The following GLI3 variants were observed in gnomAD, a reference collection of about 807,000 sequenced individuals.
GLI3 encodes transcription activator GLI3.
GLI3 carries 20 observed loss-of-function variants against 100.8 expected under a neutral mutation model. The ratio of observed to expected loss-of-function variants is 0.20; its 90% confidence interval spans 0.14 to 0.29. The LOEUF is 0.29. Among genes scored for constraint, GLI3 ranks in the 10% least tolerant of loss-of-function variants. GLI3 has a pLI of 1.00. For missense variants in GLI3, 2,040 were observed against 2,128.5 expected (o/e 0.96, Z 0.82); for synonymous variants, 938 against 860.5 (o/e 1.09, Z -1.58).
chr7:42,148,360 G>A lies in GLI3; in HGVS notation c.233C>T (p.Ser78Leu), dbSNP rs777937822. The A allele has an allele frequency of 5.6e-6, 9 of 1,613,976 alleles. No individual in the cohort carries two copies. Among genetic ancestry groups the A allele is most frequent in the African/African-American group, 1.3e-5 (1 of 74,920 alleles). ...GATCAATGAGGCCCTCTCGTCACTC[G>A]ATGTTGAAGGTTCCTCACTGACTTT... The part of the protein sequence containing the change: ...LSKVSEEPST[S>L]SDERASLIKK... The change falls in exon 3 of 15, where the codon TCG becomes TTG. Residue 78 changes from serine (S) to leucine (L), a missense_variant. This residue lies in a region of GLI3 where 603 missense variants were observed against 690.9 expected (regional missense o/e 0.87). Coordinates refer to ENST00000395925, the MANE Select transcript of GLI3 (RefSeq NM_000168.6).
In GLI3 at chr7:42,113,620, G is replaced by C. The variant is rs1032750388; in HGVS notation, c.367+34606C>G. On this transcript the variant is annotated intron_variant, in intron 3 of 14. Coordinates refer to ENST00000395925, the MANE Select transcript of GLI3 (RefSeq NM_000168.6). ...AAGCTGAAGGTGCTGGAGATGCCAA[G>C]TGAAGTGTCTGCATTTTTGATAACT... 23 of 972,962 alleles carry C rather than the reference G, an allele frequency of 2.4e-5. No homozygotes were observed. The African/African-American group carries it at 3.5e-4, about 15-fold the overall frequency. The allele number at this position is 972,962 out of a possible 1,614,324, so 60.3% of individuals were successfully genotyped here. A position where few individuals can be genotyped will look rare whatever the true frequency, so the allele number is the denominator to read the frequency against.
upstream of GLI3, among the ~76,000 whole-genome samples, chr7:42,241,665 G>C (rs1292913953): frequency 6.6e-6 from 1 of 152,134 alleles, no homozygotes; most frequent in Non-Finnish European, 1.5e-5. Flanking sequence ...CTGGAACATT[G>C]GGATTATAAA....
intron 1 of GLI3, among the ~76,000 whole-genome samples, chr7:42,263,228 A>G (rs991923889): frequency 3.3e-5 from 5 of 152,166 alleles, no homozygotes; most frequent in Non-Finnish European, 7.4e-5. Flanking sequence ...CCTGGCTATG[A>G]CAAGAGCTCA....
intron 12 of GLI3, among the ~76,000 whole-genome samples, chr7:41,976,737 G>A (rs1364645765): frequency 1.3e-5 from 2 of 152,188 alleles, no homozygotes; most frequent in African/African-American, 2.4e-5. Context: ...AAAATGTGGG[G>A]AGTCCTTTTG....
chr7:42,061,600 G>C (rs1461726813), intron 4 of GLI3, among the ~76,000 whole-genome samples: 2 of 152,264 alleles, frequency 1.3e-5, no homozygotes, highest in East Asian at 1.9e-4. Context: ...GAAGTGGCAG[G>C]CTCTTTAGAT....
intron 4 of GLI3, among the ~76,000 whole-genome samples, chr7:42,057,760 G>A (rs936758109): frequency 5.3e-5 from 8 of 152,158 alleles, no homozygotes; most frequent in Non-Finnish European, 1.0e-4. Context: ...ATTATTCTAG[G>A]TGAAGTAACT....
chr7:42,147,971 C>A (rs1786757297), intron 3 of GLI3, among the ~76,000 whole-genome samples: 1 of 152,018 alleles, frequency 6.6e-6, no homozygotes, highest in African/African-American at 2.4e-5. Context: ...CACAAATGGA[C>A]CACTCTCCTG....
chr7:42,113,884 G>T (rs1051004821), intron 3 of GLI3, among the ~76,000 whole-genome samples: 3 of 152,124 alleles, frequency 2.0e-5, no homozygotes, highest in Admixed American at 1.3e-4. Flanking sequence ...CAGGAGGAGG[G>T]GGGACTCCCT....
At chr7:42,114,289 A>G (rs1022701574) in intron 3 of GLI3, among the ~76,000 whole-genome samples, 1 of 152,188 alleles carries the variant, frequency 6.6e-6, no homozygotes, top group African/African-American at 2.4e-5. Context: ...ATTGGGTTTT[A>G]TCTTGGCTTT....
chr7:42,104,374 T>C (rs893599464), intron 3 of GLI3, among the ~76,000 whole-genome samples: 6 of 152,178 alleles, frequency 3.9e-5, no homozygotes, highest in African/African-American at 1.4e-4. Flanking sequence ...ACACATCCGC[T>C]CTAGCATTTC....
intron 3 of GLI3, among the ~76,000 whole-genome samples, chr7:42,077,848 G>A (rs1292502495): frequency 1.3e-5 from 2 of 152,186 alleles, no homozygotes; most frequent in African/African-American, 2.4e-5. Context: ...AAATGAAGGG[G>A]TCCAAAACTT....
Position 42,262,197 on chromosome 7 carries a change from T to TTCCTTCC in GLI3, c.-43+1796_-43+1797insGGAAGGA, listed in dbSNP as rs1761173028. 4.7e-3 allele frequency among the ~76,000 whole-genome samples: 158 copies of TTCCTTCC among 33,612 alleles called. 3 individuals are homozygous for TTCCTTCC. Among genetic ancestry groups the TTCCTTCC allele is most frequent in the African/African-American group, 0.012 (147 of 12,460 alleles). The allele number at this position is 33,612 out of a possible 152,430, so 22.1% of individuals were successfully genotyped here. ...TTTCTTTTTTCTTTCTTTTATTTTTTTTCCTTCCTTCTTTCCTTCCTTCCT... is the reference window on the plus strand; with the variant it reads ...TTTCTTTTTTCTTTCTTTTATTTTTTTCCTTCCTTCCTTCCTTCTTTCCTTCCTTCCT... On this transcript the variant is annotated intron_variant, in intron 1 of 2. Coordinates refer to the GLI3 transcript ENST00000678978.
intron 10 of GLI3, among the ~76,000 whole-genome samples, chr7:42,013,230 C>G (rs1436159265): frequency 6.6e-6 from 1 of 152,180 alleles, no homozygotes; most frequent in Non-Finnish European, 1.5e-5. Flanking sequence ...TTTTATTTGT[C>G]TAAGCCCACC....
intron 2 of GLI3, among the ~76,000 whole-genome samples, chr7:42,153,584 AG>A (rs561962570): frequency 8.1e-5 from 5 of 62,038 alleles, no homozygotes; most frequent in East Asian, 4.4e-4. Context: ...CAAAATGTTA[AG>A]GGGGGGTGGG....
chr7:42,169,787 G>C (rs868725378), intron 2 of GLI3, among the ~76,000 whole-genome samples: 1 of 151,926 alleles, frequency 6.6e-6, no homozygotes, highest in Admixed American at 6.6e-5. Context: ...GAAAAGAACA[G>C]GAAGCAAATG....
chr7:42,207,193 G>A (rs928486767), intron 2 of GLI3, among the ~76,000 whole-genome samples: 2 of 152,172 alleles, frequency 1.3e-5, no homozygotes, highest in Admixed American at 1.3e-4. Flanking sequence ...TGTGTATTCA[G>A]ATCCACCAAA....
intron 3 of GLI3, among the ~76,000 whole-genome samples, chr7:42,129,099 A>G (rs1193026949): frequency 1.3e-5 from 2 of 152,234 alleles, no homozygotes; most frequent in Non-Finnish European, 2.9e-5. Flanking sequence ...TAATGATAAA[A>G]TAACAGTACC....
At chr7:42,053,725 A>G (rs1344735689) in intron 4 of GLI3, among the ~76,000 whole-genome samples, 1 of 152,182 alleles carries the variant, frequency 6.6e-6, no homozygotes, top group Non-Finnish European at 1.5e-5. Context: ...TTGGAGGGAG[A>G]CACAAACCAG....
chr7:42,140,003 G>A (rs1786527673), intron 3 of GLI3, among the ~76,000 whole-genome samples: 1 of 152,186 alleles, frequency 6.6e-6, no homozygotes, highest in Admixed American at 6.5e-5. Flanking sequence ...CCCTGTCTTT[G>A]CCACTTCCCT....
Sources: allele counts gnomAD v4.1 joint callset (sites outside exome capture counted in the v4.1 genomes callset), GRCh38; gene constraint gnomAD v4.1.1; regional missense constraint gnomAD v4.1.1; transcripts MANE v1.5; gene names NCBI Gene and HGNC (gene_info 2026-07-23, HGNC 2026-07-21).